The following PLCH1 variants were observed in gnomAD, a reference collection of about 807,000 sequenced individuals.
The protein encoded by PLCH1 is phospholipase C eta 1, also known as 1-phosphatidylinositol 4,5-bisphosphate phosphodiesterase eta-1.
A neutral mutation model predicts 126.7 loss-of-function variants in PLCH1; 60 were observed. The observed-to-expected ratio is 0.47, with a 90% CI of 0.38 to 0.59. The LOEUF (loss-of-function observed/expected upper bound fraction) is 0.59. Ranked by LOEUF, PLCH1 falls within the 20% of genes least tolerant of loss-of-function variation. PLCH1 has a pLI of 0.00. For synonymous variants in PLCH1, 719 were observed against 734.9 expected (o/e 0.98, Z 0.35); for missense variants, 1,723 against 2,040.0 (o/e 0.84, Z 2.99).
In PLCH1 at chr3:155,621,008, A is replaced by G. The variant is rs188053940; in HGVS notation, c.80-24630T>C. Among the ~76,000 whole-genome samples the G allele has an allele frequency of 1.6e-4, 24 of 152,300 alleles. No individual in the cohort carries two copies. In the East Asian group the frequency reaches 4.3e-3, roughly 27 times the overall value. Reference sequence around the variant, plus strand: ...GGGGCTGACAGACAACTCATACAGGATAGCCCTGGCTCGCATCTGGCGGGT... The same window carrying G: ...GGGGCTGACAGACAACTCATACAGGGTAGCCCTGGCTCGCATCTGGCGGGT... On this transcript the variant is annotated intron_variant, in intron 2 of 22. Transcript: ENST00000460012.
chr3:155,463,813 G>T (rs1246803912), intron 21 of PLCH1, among the ~76,000 whole-genome samples: 2 of 152,116 alleles, frequency 1.3e-5, no homozygotes, highest in Non-Finnish European at 2.9e-5. Flanking sequence ...GATAAATTTA[G>T]TCATCACCAC....
intron 4 of PLCH1, among the ~76,000 whole-genome samples, chr3:155,587,655 T>C (rs992924585): frequency 3.3e-5 from 5 of 152,202 alleles, no homozygotes; most frequent in Admixed American, 6.5e-5. Context: ...ATTAAGTGAC[T>C]GAGAATTAGA....
At chr3:155,693,728 G>A (rs1169869506) in intron 2 of PLCH1, among the ~76,000 whole-genome samples, 1 of 152,020 alleles carries the variant, frequency 6.6e-6, no homozygotes, top group African/African-American at 2.4e-5. Context: ...TCATGAGTTC[G>A]AGACCAGCCT....
At position 155,688,904 on chromosome 3, in the gene PLCH1, A is replaced by G. The variant is rs149438227; in HGVS notation, c.79+15242T>C. 5.8e-3 allele frequency among the ~76,000 whole-genome samples: 877 copies of G among 152,312 alleles called. 12 individuals carry two copies. Among genetic ancestry groups the G allele is most frequent in the African/African-American group, 0.02 (831 of 41,582 alleles). On this transcript the variant is annotated intron_variant, in intron 2 of 22. Transcript: ENST00000460012. ...AGAATAGAACATCAGGTAAATTGCTAAAGTTTTTTACTTCAATCCCTGGCT... is the reference window on the plus strand; with the variant it reads ...AGAATAGAACATCAGGTAAATTGCTGAAGTTTTTTACTTCAATCCCTGGCT...
intron 5 of PLCH1, among the ~76,000 whole-genome samples, chr3:155,584,525 C>T (rs1426415225): frequency 6.6e-6 from 1 of 152,178 alleles, no homozygotes; most frequent in Non-Finnish European, 1.5e-5. Context: ...TACAGGTTGG[C>T]TGAATTATTC....
At chr3:155,724,430 G>A (rs1748164686) in intron 1 of PLCH1, among the ~76,000 whole-genome samples, 1 of 152,106 alleles carries the variant, frequency 6.6e-6, no homozygotes, top group African/African-American at 2.4e-5. Flanking sequence ...TCCAGTGTCA[G>A]GTGCATATAT....
chr3:155,517,083 G>A (rs927302166), intron 11 of PLCH1, among the ~76,000 whole-genome samples: 1 of 152,118 alleles, frequency 6.6e-6, no homozygotes, highest in Non-Finnish European at 1.5e-5. Flanking sequence ...AAACTGGGAG[G>A]ATCGCTTGAG....
chr3:155,733,961 A>ACG (rs1559971337), intron 1 of PLCH1, among the ~76,000 whole-genome samples: 6 of 102,668 alleles, frequency 5.8e-5, no homozygotes, highest in African/African-American at 2.1e-4. Flanking sequence ...ATATATATAT[A>ACG]TATATATATA....
At chr3:155,643,661 C>T (rs1739673295) in intron 2 of PLCH1, among the ~76,000 whole-genome samples, 1 of 152,182 alleles carries the variant, frequency 6.6e-6, no homozygotes, top group East Asian at 1.9e-4. Context: ...TTATATTCCA[C>T]ATTTCCATTT....
Position 155,502,114 on chromosome 3 carries a change from G to A in PLCH1, c.1705-1320C>T, listed in dbSNP as rs535825689. 3.3e-5 allele frequency among the ~76,000 whole-genome samples: 5 copies of A among 152,156 alleles called. No homozygotes were observed. In the South Asian group the frequency reaches 6.2e-4, roughly 19 times the overall value. On this transcript the variant is annotated intron_variant, in intron 13 of 22. Transcript: ENST00000460012. ...GCCAGTTTGGTTTGGAAACTTCTCC[G>A]GCATTATTTATGCCTTGAGTACCTC...
At chr3:155,632,819 T>A (rs1417537713) in intron 2 of PLCH1, among the ~76,000 whole-genome samples, 1 of 152,176 alleles carries the variant, frequency 6.6e-6, no homozygotes, top group East Asian at 1.9e-4. Flanking sequence ...AGAGAAGTAA[T>A]CCTCATTTGA....
At chr3:155,585,972 T>C in intron 5 of PLCH1, 93 bp downstream of exon 5, 1 of 1,083,864 alleles carries the variant, frequency 9.2e-7, no homozygotes, top group Non-Finnish European at 1.4e-6. Flanking sequence ...ATATATTAGC[T>C]TCCAACAAAA....
intron 9 of PLCH1, among the ~76,000 whole-genome samples, chr3:155,552,050 G>A (rs1037488588): frequency 3.3e-5 from 5 of 152,270 alleles, no homozygotes; most frequent in African/African-American, 9.6e-5. Flanking sequence ...ATTCTTCCAC[G>A]TGGGAGGCAT....
chr3:155,546,387 G>A (rs1725286661), intron 10 of PLCH1, among the ~76,000 whole-genome samples: 1 of 152,152 alleles, frequency 6.6e-6, no homozygotes, highest in African/African-American at 2.4e-5. Flanking sequence ...GGAAATTAAA[G>A]AGGATACAAA....
At chr3:155,673,893 A>G (rs143936858) in intron 2 of PLCH1, among the ~76,000 whole-genome samples, 3 of 152,228 alleles carry the variant, frequency 2.0e-5, no homozygotes, top group Non-Finnish European at 2.9e-5. Context: ...ATCCCAGAAC[A>G]AATATGATTT....
chr3:155,638,168 G>T (rs1057333363), intron 2 of PLCH1, among the ~76,000 whole-genome samples: 3 of 152,284 alleles, frequency 2.0e-5, no homozygotes, highest in Middle Eastern at 6.8e-3. Flanking sequence ...TTGTAAGAAT[G>T]CAAGTTCAAG....
At chr3:155,476,516 A>T (rs1042167102), downstream of PLCH1, among the ~76,000 whole-genome samples, 2 of 152,156 alleles carry the variant, frequency 1.3e-5, no homozygotes, top group Admixed American at 1.3e-4. Flanking sequence ...TCCTTGTTTA[A>T]GGATGATATG....
intron 2 of PLCH1, among the ~76,000 whole-genome samples, chr3:155,679,380 G>C (rs1248510345): frequency 6.6e-6 from 1 of 152,168 alleles, no homozygotes; most frequent in Non-Finnish European, 1.5e-5. Flanking sequence ...GGCAATGGCA[G>C]TACCTACCTC....
intron 21 of PLCH1, among the ~76,000 whole-genome samples, chr3:155,487,822 G>T (rs551225311): frequency 6.6e-6 from 1 of 152,316 alleles, no homozygotes; most frequent in African/African-American, 2.4e-5. Context: ...CTGTATAGAA[G>T]AAATGAGTAC....
Sources: gnomAD v4.1 joint callset for allele counts (sites outside exome capture counted in the v4.1 genomes callset) on GRCh38, gnomAD v4.1.1 for gene constraint, MANE v1.5 for transcripts, NCBI Gene and HGNC (gene_info 2026-07-23, HGNC 2026-07-21) for gene names.